The following SCAPER variants were observed in gnomAD, a reference collection of about 807,000 sequenced individuals.
The protein encoded by SCAPER is S phase cyclin A-associated protein in the endoplasmic reticulum.
SCAPER carries 98 observed loss-of-function variants against 182.2 expected under a neutral mutation model. The observed-to-expected ratio is 0.54, with a 90% CI of 0.46 to 0.64. The LOEUF is 0.64. Among genes scored for constraint, SCAPER ranks in the 30% least tolerant of loss-of-function variants. SCAPER has a pLI of 0.00. For missense variants in SCAPER, 1,432 were observed against 1,690.0 expected (o/e 0.85, Z 2.68); for synonymous variants, 605 against 564.6 (o/e 1.07, Z -1.01).
intron 23 of SCAPER, 73 bp from the exon 24 acceptor site, chr15:76,505,047 C>G: frequency 1.1e-6 from 1 of 943,800 alleles, no homozygotes; most frequent in Non-Finnish European, 1.6e-6. Flanking sequence ...TATCTGTAGT[C>G]TGAAACATAC....
At chr15:76,579,652 C>G (rs1262392397) in intron 22 of SCAPER, among the ~76,000 whole-genome samples, 1 of 151,680 alleles carries the variant, frequency 6.6e-6, no homozygotes, top group Non-Finnish European at 1.5e-5. Context: ...AACCAGAAAA[C>G]AAATAACAAA....
chr15:76,549,409 T>G (rs535198828), intron 23 of SCAPER, among the ~76,000 whole-genome samples: 2 of 152,122 alleles, frequency 1.3e-5, no homozygotes, highest in African/African-American at 4.8e-5. Flanking sequence ...ATATACACCA[T>G]GGAATACTAT....
chr15:76,371,239 A>G (rs914111265), intron 29 of SCAPER, among the ~76,000 whole-genome samples: 1 of 152,178 alleles, frequency 6.6e-6, no homozygotes, highest in African/African-American at 2.4e-5. Flanking sequence ...CTGAGGTTCA[A>G]GAGACAAGAG....
intron 24 of SCAPER, chr15:76,472,162 A>AG (rs34282781): frequency 1 from 443,063 of 443,066 alleles, 221,530 homozygotes; most frequent in Middle Eastern, 1. Context: ...AACAAGCCAG[A>AG]AAGATCCGTA....
At chr15:76,589,832 G>A (rs1433395818) in intron 22 of SCAPER, among the ~76,000 whole-genome samples, 1 of 152,126 alleles carries the variant, frequency 6.6e-6, no homozygotes, top group African/African-American at 2.4e-5. Context: ...GGCTTCCCTG[G>A]GGATGCAGAG....
intron 22 of SCAPER, among the ~76,000 whole-genome samples, chr15:76,609,393 T>A (rs2050774713): frequency 6.6e-6 from 1 of 151,814 alleles, no homozygotes; most frequent in African/African-American, 2.4e-5. Context: ...GGAGGCTGAG[T>A]TGGGAGTTGC....
chr15:76,466,387 G>A (rs2049616556), intron 25 of SCAPER, among the ~76,000 whole-genome samples: 1 of 67,024 alleles, frequency 1.5e-5, no homozygotes, highest in Non-Finnish European at 3.4e-5. Context: ...TGTAGCTATT[G>A]TATTCTTCAG....
At chr15:76,631,642 G>A (rs1206191113) in intron 21 of SCAPER, among the ~76,000 whole-genome samples, 1 of 152,214 alleles carries the variant, frequency 6.6e-6, no homozygotes, top group East Asian at 1.9e-4. Context: ...TAGGGTTTCT[G>A]CTGAGATGTC....
chr15:76,602,509 C>G (rs534001658), intron 22 of SCAPER, among the ~76,000 whole-genome samples: 3 of 120,518 alleles, frequency 2.5e-5, no homozygotes, highest in African/African-American at 5.0e-5. Context: ...GAATATCATA[C>G]GCTCACAGGT....
At chr15:76,561,514 T>C (rs138520095) in intron 23 of SCAPER, among the ~76,000 whole-genome samples, 4 of 152,178 alleles carry the variant, frequency 2.6e-5, no homozygotes, top group African/African-American at 9.7e-5. Context: ...TTCCCTGAAA[T>C]GTTTTAATAA....
intron 25 of SCAPER, among the ~76,000 whole-genome samples, chr15:76,467,693 A>C (rs1346723486): frequency 1.3e-5 from 2 of 152,108 alleles, no homozygotes; most frequent in South Asian, 4.1e-4. Flanking sequence ...TGTAGTTCTG[A>C]TAACATTATA....
chr15:76,691,920 A>T (rs1225147741), intron 20 of SCAPER, among the ~76,000 whole-genome samples: 1 of 152,214 alleles, frequency 6.6e-6, no homozygotes, highest in South Asian at 2.1e-4. Flanking sequence ...TTTTGAAGTT[A>T]GATAAAATGT....
intron 24 of SCAPER, among the ~76,000 whole-genome samples, chr15:76,483,959 G>C (rs186679302): frequency 1.2e-4 from 18 of 152,212 alleles, no homozygotes; most frequent in African/African-American, 3.6e-4. Flanking sequence ...GCTAAACATA[G>C]TCATCATATG....
chr15:76,823,292 C>G (rs1226915380), intron 5 of SCAPER, among the ~76,000 whole-genome samples: 1 of 151,904 alleles, frequency 6.6e-6, no homozygotes, highest in Admixed American at 6.6e-5. Context: ...AACTCCATCT[C>G]TACTAAAAAT....
chr15:76,862,500 C>T lies in SCAPER; in HGVS notation c.40G>A (p.Val14Ile), dbSNP rs1335289345. The T allele has an allele frequency of 6.2e-7, 1 of 1,613,132 alleles. No individual in the cohort carries two copies. Among genetic ancestry groups the T allele is most frequent in the Non-Finnish European group, 8.5e-7 (1 of 1,179,490 alleles). The change falls in exon 3 of 32, where the codon GTA becomes ATA. Residue 14 changes from valine (V) to isoleucine (I), a missense_variant. Coordinates refer to ENST00000563290, the MANE Select transcript of SCAPER (RefSeq NM_020843.4). ...SFQRSNSHDK[V>I]RRIVAEEGRT... ...CCCTCCTCTGCAACTATTCTCCTTA[C>T]TTTGTCATGACTATTGGAGCGCTGG...
intron 8 of SCAPER, among the ~76,000 whole-genome samples, chr15:76,778,875 A>T (rs1382674708): frequency 1.3e-5 from 2 of 152,094 alleles, no homozygotes; most frequent in Non-Finnish European, 2.9e-5. Context: ...TCTAAATACA[A>T]AACACAGGTA....
intron 17 of SCAPER, among the ~76,000 whole-genome samples, chr15:76,709,070 G>C (rs920259837): frequency 6.6e-6 from 1 of 151,960 alleles, no homozygotes; most frequent in Admixed American, 6.6e-5. Context: ...AAAAAAGAGT[G>C]AAGGAGAGAT....
intron 17 of SCAPER, among the ~76,000 whole-genome samples, chr15:76,718,910 T>G (rs1348590953): frequency 6.6e-6 from 1 of 152,078 alleles, no homozygotes; most frequent in African/African-American, 2.4e-5. Flanking sequence ...CAAATGTTGG[T>G]GAGGGTATGG....
intron 2 of SCAPER, among the ~76,000 whole-genome samples, chr15:76,866,432 A>G (rs527458381): frequency 6.6e-6 from 1 of 152,280 alleles, no homozygotes; most frequent in South Asian, 2.1e-4. Context: ...ACTTCCATAA[A>G]CATTTCAGCT....
Sources: allele counts gnomAD v4.1 joint callset (sites outside exome capture counted in the v4.1 genomes callset), GRCh38; gene constraint gnomAD v4.1.1; transcripts MANE v1.5; gene names NCBI Gene and HGNC (gene_info 2026-07-23, HGNC 2026-07-21).